BEND5: variants seen among roughly 807,000 people sequenced by gnomAD.
BEND5 encodes BEN domain containing 5.
A neutral mutation model predicts 43.9 loss-of-function variants in BEND5; 22 were observed. That is an observed-to-expected ratio of 0.50 (90% CI 0.36 to 0.72). The LOEUF (loss-of-function observed/expected upper bound fraction) is 0.72, where lower values mean the gene tolerates loss of function less well. Ranked by LOEUF, BEND5 falls within the 30% of genes least tolerant of loss-of-function variation. The pLI, the probability that BEND5 is intolerant of heterozygous loss-of-function variation, is 0.00. For synonymous variants in BEND5, 228 were observed against 225.9 expected (o/e 1.01, Z -0.08); for missense variants, 428 against 550.6 (o/e 0.78, Z 2.23).
Position 48,774,790 on chromosome 1 carries a change from GCA to G in BEND5, c.226+1814_226+1815del, listed in dbSNP as rs529815112. The stretch of plus-strand genomic sequence containing the variant: ...CTCTCTGCAGTGCCTGAAGAGTCAA[GCA>G]CAGTGTATATGTATGTTTGCTGAAT... On this transcript the variant is annotated intron_variant, in intron 1 of 5. Coordinates refer to ENST00000371833, the MANE Select transcript of BEND5 (RefSeq NM_024603.4). 2.6e-5 allele frequency among the ~76,000 whole-genome samples: 4 copies of G among 152,290 alleles called. No homozygotes were observed. In the South Asian group the frequency reaches 8.3e-4, roughly 32 times the overall value.
intron 4 of BEND5, among the ~76,000 whole-genome samples, chr1:48,739,206 G>A (rs1018602573): frequency 1.3e-5 from 2 of 152,190 alleles, no homozygotes; most frequent in Admixed American, 1.3e-4. Flanking sequence ...GCCACCGACT[G>A]GCCTTTGCCT....
chr1:48,776,568 G>T, intron 1 of BEND5, 38 bp downstream of exon 1: 3 of 476,936 alleles, frequency 6.3e-6, no homozygotes, highest in Non-Finnish European at 9.6e-6. Flanking sequence ...CCCAGCCCCC[G>T]CCCGGGTCCC....
At chr1:48,775,659 G>T (rs1474168746) in intron 1 of BEND5, among the ~76,000 whole-genome samples, 4 of 152,162 alleles carry the variant, frequency 2.6e-5, no homozygotes, top group African/African-American at 9.7e-5. Context: ...AGGGCCAGCT[G>T]TCTTCTCTTT....
intron 5 of BEND5, among the ~76,000 whole-genome samples, chr1:48,730,725 T>C (rs923826892): frequency 6.6e-5 from 10 of 152,232 alleles, no homozygotes; most frequent in Non-Finnish European, 1.3e-4. Context: ...CACCTGCAGT[T>C]GCCGGGAATG....
At chr1:48,745,051 C>G (rs1192658379) in intron 3 of BEND5, among the ~76,000 whole-genome samples, 3 of 152,216 alleles carry the variant, frequency 2.0e-5, no homozygotes, top group African/African-American at 7.2e-5. Flanking sequence ...CAATCATCTG[C>G]CTGTCGGTTT....
At chr1:48,770,561 T>C (rs12064587) in intron 1 of BEND5, among the ~76,000 whole-genome samples, 14,844 of 152,196 alleles carry the variant, frequency 0.098, 912 homozygotes, top group East Asian at 0.16. Flanking sequence ...AAACCTTCCT[T>C]AGTTCATGAC....
intron 2 of BEND5, among the ~76,000 whole-genome samples, chr1:48,759,575 A>G (rs1292692432): frequency 6.6e-6 from 1 of 152,334 alleles, no homozygotes; most frequent in South Asian, 2.1e-4. Context: ...TCCTGGATGC[A>G]TATACCATGA....
At chr1:48,735,617 G>C (rs1648915452) in intron 5 of BEND5, among the ~76,000 whole-genome samples, 1 of 152,008 alleles carries the variant, frequency 6.6e-6, no homozygotes, top group Non-Finnish European at 1.5e-5. Flanking sequence ...GGAGACAAAT[G>C]ACTCCCTGTC....
intron 3 of BEND5, among the ~76,000 whole-genome samples, chr1:48,752,673 T>C (rs920223305): frequency 6.6e-6 from 1 of 152,174 alleles, no homozygotes; most frequent in Non-Finnish European, 1.5e-5. Flanking sequence ...CTTCAAATGA[T>C]TCTATATCTT....
chr1:48,728,653 T>C (rs1647602928), intron 5 of BEND5, among the ~76,000 whole-genome samples: 1 of 152,214 alleles, frequency 6.6e-6, no homozygotes, highest in Non-Finnish European at 1.5e-5. Context: ...TTAAAAACAC[T>C]CTGGCACATG....
intron 1 of BEND5, among the ~76,000 whole-genome samples, chr1:48,767,734 G>C (rs1002888496): frequency 2.8e-4 from 42 of 152,192 alleles, no homozygotes; most frequent in African/African-American, 9.9e-4. Flanking sequence ...CAAATAATCA[G>C]TTTTAGTGTA....
At chr1:48,762,780 A>G (rs893959145) in intron 1 of BEND5, among the ~76,000 whole-genome samples, 1 of 152,174 alleles carries the variant, frequency 6.6e-6, no homozygotes, top group Non-Finnish European at 1.5e-5. Context: ...GAATGTACTC[A>G]AATGCTGAAT....
intron 5 of BEND5, among the ~76,000 whole-genome samples, chr1:48,731,589 T>G (rs1316175677): frequency 1.3e-5 from 2 of 152,020 alleles, no homozygotes; most frequent in South Asian, 2.1e-4. Context: ...CAGATCTGGG[T>G]GGTAAGCAGC....
At chr1:48,742,857 AT>A (rs1191037760) in intron 3 of BEND5, 86 bp from the exon 4 acceptor site, 2 of 1,335,112 alleles carry the variant, frequency 1.5e-6, no homozygotes, top group Non-Finnish European at 2.0e-6. Context: ...TCAGCACACC[AT>A]GGCACAAAAA....
At chr1:48,732,461 G>A (rs1390732473) in intron 5 of BEND5, among the ~76,000 whole-genome samples, 7 of 151,834 alleles carry the variant, frequency 4.6e-5, no homozygotes, top group Non-Finnish European at 1.0e-4. Flanking sequence ...AGTGGGAGAA[G>A]AAAGAAAATT....
At chr1:48,733,094 C>T (rs1648415665) in intron 5 of BEND5, among the ~76,000 whole-genome samples, 1 of 152,176 alleles carries the variant, frequency 6.6e-6, no homozygotes, top group African/African-American at 2.4e-5. Context: ...GGAACACACA[C>T]AGTGGGTGTA....
intron 5 of BEND5, among the ~76,000 whole-genome samples, chr1:48,729,791 G>C (rs1259358337): frequency 6.6e-6 from 1 of 151,510 alleles, no homozygotes; most frequent in African/African-American, 2.4e-5. Flanking sequence ...GTTTTGCAAA[G>C]AGAAGCCTTT....
rs1160985800 is a variant in BEND5 at position 48,736,700 on chromosome 1, T to C, written c.895-248A>G. On this transcript the variant is annotated intron_variant, in intron 4 of 5. Transcript: ENST00000371833. The surrounding 1 kb of genome is among the most constrained non-coding windows in gnomAD (Gnocchi z 4.0). ...TGGCAATTGTGGATAGAAGGCATTA[T>C]AACACCATTTTCCTTTCAGATGGAA... 6.6e-6 allele frequency among the ~76,000 whole-genome samples: 1 copy of C among 152,204 alleles called. No homozygotes were observed. Among genetic ancestry groups the C allele is most frequent in the African/African-American group, 2.4e-5 (1 of 41,446 alleles).
chr1:48,747,266 A>C (rs1650919823), intron 3 of BEND5, among the ~76,000 whole-genome samples: 2 of 152,186 alleles, frequency 1.3e-5, no homozygotes, highest in African/African-American at 4.8e-5. Flanking sequence ...AAGGGCTTTG[A>C]TCCATTTGCA....
Sources: allele counts gnomAD v4.1 joint callset (sites outside exome capture counted in the v4.1 genomes callset), GRCh38; gene constraint gnomAD v4.1.1; non-coding constraint Gnocchi (gnomAD v3.1); transcripts MANE v1.5; gene names NCBI Gene and HGNC (gene_info 2026-07-23, HGNC 2026-07-21).